PCDHGA12: variants seen among roughly 807,000 people sequenced by gnomAD.
PCDHGA12 encodes protocadherin gamma subfamily A, 12, also known as protocadherin gamma-A12.
A neutral mutation model predicts 61.1 loss-of-function variants in PCDHGA12; 43 were observed. The observed-to-expected ratio is 0.70, with a 90% confidence interval of 0.55 to 0.91. PCDHGA12 has a LOEUF of 0.91. PCDHGA12 is among the 40% of genes least tolerant of loss of function. The pLI is 0.00. For synonymous variants in PCDHGA12, 520 were observed against 542.9 expected (o/e 0.96, Z 0.59); for missense variants, 1,236 against 1,227.7 (o/e 1.01, Z -0.10).
At chr5:141,460,134 T>TCAAAGA in intron 1 of PCDHGA12, among the ~76,000 whole-genome samples, 1 of 152,066 alleles carries the variant, frequency 6.6e-6, no homozygotes, top group South Asian at 2.1e-4. Flanking sequence ...AATATATATA[T>TCAAAGA]TCTTGATGTG....
chr5:141,468,039 A>G (rs1007212946), intron 1 of PCDHGA12, among the ~76,000 whole-genome samples: 21 of 152,262 alleles, frequency 1.4e-4, no homozygotes, highest in African/African-American at 5.1e-4. Context: ...CATTTAGAAA[A>G]CTAAGCCGGG....
intron 2 of PCDHGA12, among the ~76,000 whole-genome samples, chr5:141,497,880 T>C (rs2099780200): frequency 6.6e-6 from 1 of 152,170 alleles, no homozygotes; most frequent in Non-Finnish European, 1.5e-5. Context: ...GAAATAAGCG[T>C]TAGGATCTAG....
chr5:141,448,621 T>C (rs2098597629), intron 1 of PCDHGA12, among the ~76,000 whole-genome samples: 1 of 152,168 alleles, frequency 6.6e-6, no homozygotes, highest in Admixed American at 6.5e-5. Flanking sequence ...TATATCTTCC[T>C]TTCTTCACAT....
At position 141,487,198 on chromosome 5, in the gene PCDHGA12, T is replaced by A; in HGVS notation, c.2425-7609T>A. The A allele has an allele frequency of 1.2e-6, 2 of 1,613,854 alleles. No individual in the cohort carries two copies. The highest frequency in any genetic ancestry group is 1.7e-6 in the Non-Finnish European group (2 of 1,179,722). ...AAGACACTCATCCAGTTGTCCCAGATCTTCGAGAATCTTCAGCTCCAAGGG... is the reference window on the plus strand; with the variant it reads ...AAGACACTCATCCAGTTGTCCCAGAACTTCGAGAATCTTCAGCTCCAAGGG... On this transcript the variant is annotated intron_variant, in intron 1 of 3. Transcript: ENST00000252085. The surrounding 1 kb of genome is among the most constrained non-coding windows in gnomAD (Gnocchi z 5.0).
chr5:141,489,900 A>G lies in PCDHGA12; in HGVS notation c.2425-4907A>G, dbSNP rs963522810. The stretch of plus-strand genomic sequence containing the variant: ...TTACTGCTGTGGATGGGGGGACCCC[A>G]GCCCGCTCAGGGACCACCCTTATCT... On this transcript the variant is annotated intron_variant, in intron 1 of 3. Transcript: ENST00000252085. The surrounding 1 kb of genome is among the most constrained non-coding windows in gnomAD (Gnocchi z 4.5). The G allele has an allele frequency of 1.9e-6, 3 of 1,614,254 alleles. No homozygotes were observed. The highest frequency in any genetic ancestry group is 1.7e-5 in the Admixed American group (1 of 60,026).
At chr5:141,509,268 G>A (rs2099875959) in intron 3 of PCDHGA12, among the ~76,000 whole-genome samples, 1 of 152,150 alleles carries the variant, frequency 6.6e-6, no homozygotes, top group South Asian at 2.1e-4. Flanking sequence ...AGTCACTCTC[G>A]CTACCCGCTC....
chr5:141,482,530 C>CAAAAAAAAAAAAAAAAA (rs3074545), intron 1 of PCDHGA12, among the ~76,000 whole-genome samples: 1 of 76,562 alleles, frequency 1.3e-5, no homozygotes, highest in African/African-American at 4.8e-5. Flanking sequence ...GACAGACATG[C>CAAAAAAAAAAAAAAAAA]AAAAAAAAAA....
Position 141,476,241 on chromosome 5 carries a change from A to G in PCDHGA12, c.2425-18566A>G, listed in dbSNP as rs375405507. ...CACTATGAGATCCCGGAGGAAAGAG[A>G]GAAGGGTTTCGCTGTGGGCAACGTG... On this transcript the variant is annotated intron_variant, in intron 1 of 3. Transcript: ENST00000252085. The surrounding 1 kb of genome is among the most constrained non-coding windows in gnomAD (Gnocchi z 7.6). 3.7e-6 allele frequency: 6 copies of G among 1,613,626 alleles called. No homozygotes were observed. The highest frequency in any genetic ancestry group is 2.2e-5 in the East Asian group (1 of 44,834).
chr5:141,459,981 G>C (rs1023972964), intron 1 of PCDHGA12, among the ~76,000 whole-genome samples: 7 of 152,330 alleles, frequency 4.6e-5, no homozygotes, highest in Admixed American at 1.3e-4. Context: ...AGGAGGCTGA[G>C]ACAGGAGAAT....
chr5:141,466,121 C>CA (rs908379481), intron 1 of PCDHGA12, among the ~76,000 whole-genome samples: 24 of 146,876 alleles, frequency 1.6e-4, no homozygotes, highest in East Asian at 8.0e-4. Context: ...GACTCCAGCT[C>CA]AAAAAAAAAA....
At position 141,489,728 on chromosome 5, in the gene PCDHGA12, G is replaced by T; in HGVS notation, c.2425-5079G>T. ...GACAGTGCCCAGGATCCGGATGTGGGCACCAATACTGTGAGCTTTTACACT... is the reference window on the plus strand; with the variant it reads ...GACAGTGCCCAGGATCCGGATGTGGTCACCAATACTGTGAGCTTTTACACT... On this transcript the variant is annotated intron_variant, in intron 1 of 3. Transcript: ENST00000252085. The surrounding 1 kb of genome is among the most constrained non-coding windows in gnomAD (Gnocchi z 4.5). The T allele has an allele frequency of 3.1e-6, 5 of 1,614,138 alleles. No homozygotes were observed. The South Asian group carries it at 5.5e-5, about 18-fold the overall frequency.
At chr5:141,478,118 G>C in intron 1 of PCDHGA12, 2 of 1,614,048 alleles carry the variant, frequency 1.2e-6, no homozygotes, top group African/African-American at 1.3e-5. Context: ...GTCAGTAACC[G>C]AGGACTCTCC....
At chr5:141,510,062 G>GA (rs1448334820) in intron 3 of PCDHGA12, among the ~76,000 whole-genome samples, 1 of 152,150 alleles carries the variant, frequency 6.6e-6, no homozygotes. Flanking sequence ...TTGTGCATGT[G>GA]AAGCATCCAG....
chr5:141,433,228 C>G (rs2097577964), intron 1 of PCDHGA12, 45 bp downstream of exon 1: 7 of 1,522,184 alleles, frequency 4.6e-6, no homozygotes, highest in Non-Finnish European at 5.4e-6. Flanking sequence ...TTTAATTGCT[C>G]TGTCTCCCAA....
chr5:141,487,029 T>C lies in PCDHGA12; in HGVS notation c.2425-7778T>C. 1.2e-6 allele frequency: 2 copies of C among 1,614,226 alleles called. No individual in the cohort carries two copies. Among genetic ancestry groups the C allele is most frequent in the Non-Finnish European group, 1.7e-6 (2 of 1,180,040 alleles). ...CTGGAGGCCCCAGATCCCAGCCTGT[T>C]TGCAGTCTCTCGATATGCTGGGGAG... is the stretch of plus-strand genomic sequence containing the variant. On this transcript the variant is annotated intron_variant, in intron 1 of 3. Coordinates refer to ENST00000252085, the MANE Select transcript of PCDHGA12 (RefSeq NM_003735.3). The surrounding 1 kb of genome is among the most constrained non-coding windows in gnomAD (Gnocchi z 5.0).
At position 141,490,909 on chromosome 5, in the gene PCDHGA12, G is replaced by A. The variant is rs1170664693; in HGVS notation, c.2425-3898G>A. On this transcript the variant is annotated intron_variant, in intron 1 of 3. Coordinates refer to ENST00000252085, the MANE Select transcript of PCDHGA12 (RefSeq NM_003735.3). The surrounding 1 kb of genome is among the most constrained non-coding windows in gnomAD (Gnocchi z 5.4). ...ATCTCTGCATGTGTTTGTCCTAGAC[G>A]AGAATGATAATGCCCCAGCTGTGCT... The A allele has an allele frequency of 1.1e-5, 17 of 1,613,626 alleles. No individual in the cohort carries two copies. Among genetic ancestry groups the A allele is most frequent in the East Asian group, 4.5e-5 (2 of 44,882 alleles).
chr5:141,477,560 T>C lies in PCDHGA12; in HGVS notation c.2425-17247T>C, dbSNP rs2099412994. The C allele has an allele frequency of 1.2e-6, 2 of 1,614,078 alleles. No homozygotes were observed. Among genetic ancestry groups the C allele is most frequent in the South Asian group, 2.2e-5 (2 of 91,094 alleles). ...GGCTCCAATACTAAACCTAAGTGTC[T>C]GGGACCCCGACGCCCCGCAGAATGC... On this transcript the variant is annotated intron_variant, in intron 1 of 3. Transcript: ENST00000252085. This position sits in a 1 kb window ranked among gnomAD's most constrained non-coding sequence, Gnocchi z 4.9.
At chr5:141,475,983 C>T in intron 1 of PCDHGA12, 2 of 1,049,240 alleles carry the variant, frequency 1.9e-6, no homozygotes, top group Non-Finnish European at 2.8e-6. Context: ...GAACAGCCGG[C>T]GAGCAAATCA....
Position 141,431,442 on chromosome 5 carries a change from T to G in PCDHGA12, c.683T>G (p.Ile228Ser). 6.2e-7 allele frequency: 1 copy of G among 1,613,746 alleles called. No individual in the cohort carries two copies. The highest frequency in any genetic ancestry group is 1.7e-5 in the Admixed American group (1 of 60,014). The stretch of plus-strand genomic sequence containing the variant: ...CCGGTGCGCACAGGCACCGCGCGCA[T>G]CCGCGTGATGGTTCTGGATGCGAAC... ...GDPVRTGTARIRVMVLDANDN... is the reference protein window; with the variant it reads ...GDPVRTGTARSRVMVLDANDN... Residue 228 changes from isoleucine to serine, a missense_variant, in exon 1 of 4, where the codon ATC becomes AGC. By Grantham distance (142) the Ile-to-Ser change is moderately radical. Coordinates refer to ENST00000252085, the MANE Select transcript of PCDHGA12 (RefSeq NM_003735.3). This position sits in a 1 kb window ranked among gnomAD's most constrained non-coding sequence, Gnocchi z 4.8.
Sources: gnomAD v4.1 joint callset for allele counts (sites outside exome capture counted in the v4.1 genomes callset) on GRCh38, gnomAD v4.1.1 for gene constraint, Gnocchi (gnomAD v3.1) non-coding constraint, MANE v1.5 for transcripts, NCBI Gene and HGNC (gene_info 2026-07-23, HGNC 2026-07-21) for gene names.